TENM4: variants seen among roughly 807,000 people sequenced by gnomAD.
TENM4 encodes the protein teneurin transmembrane protein 4, also known as teneurin-4.
TENM4 carries 82 observed loss-of-function variants against 243.3 expected under a neutral mutation model. The observed-to-expected ratio is 0.34, with a 90% CI of 0.28 to 0.40. TENM4 has a LOEUF of 0.40. TENM4 is among the 10% of genes least tolerant of loss of function. The pLI is 1.00. For missense variants in TENM4, 3,138 were observed against 3,673.3 expected (o/e 0.85, Z 3.77); for synonymous variants, 1,412 against 1,456.3 (o/e 0.97, Z 0.69).
At chr11:79,439,171 A>C (rs1472225704) in intron 1 of TENM4, 5 of 118,792 alleles carry the variant, frequency 4.2e-5, no homozygotes, top group Non-Finnish European at 7.2e-5. Context: ...TTGCCCCACC[A>C]CCGCCTTCTA....
chr11:79,396,707 T>C (rs1484273076), intron 1 of TENM4, among the ~76,000 whole-genome samples: 1 of 152,208 alleles, frequency 6.6e-6, no homozygotes, highest in Non-Finnish European at 1.5e-5. Context: ...GTATGACGCA[T>C]GCATGGTTCT....
chr11:79,165,559 A>T (rs1862892381), intron 3 of TENM4, among the ~76,000 whole-genome samples: 1 of 152,172 alleles, frequency 6.6e-6, no homozygotes, highest in Non-Finnish European at 1.5e-5. Context: ...TGTAGGATGT[A>T]TAGTTGAGGA....
chr11:78,847,021 G>C (rs73498580), intron 12 of TENM4, among the ~76,000 whole-genome samples: 1,967 of 152,260 alleles, frequency 0.013, 49 homozygotes, highest in African/African-American at 0.046. Context: ...GAAAAATTCT[G>C]CTTTCCTACT....
rs769596800 is a variant in TENM4, at chr11:78,658,635, C to T, written c.7733G>A (p.Arg2578Gln). The T allele has an allele frequency of 1.8e-5, 29 of 1,614,024 alleles. No homozygotes were observed. Among genetic ancestry groups the T allele is most frequent in the African/African-American group, 5.3e-5 (4 of 75,066 alleles). ...KGVKFALKDGRVTTDIISVAN... is the reference protein window; with the variant it reads ...KGVKFALKDGQVTTDIISVAN... Reference sequence around the variant, plus strand: ...CACACTGATGATGTCTGTGGTCACTCGGCCATCCTTCAAGGCAAACTTGAC... The same window carrying T: ...CACACTGATGATGTCTGTGGTCACTTGGCCATCCTTCAAGGCAAACTTGAC... Residue 2578 changes from arginine (R) to glutamine (Q), a missense_variant, in exon 34 of 34, where the codon CGA (arginine) becomes CAA (glutamine). By Grantham distance (43) the Arg-to-Gln change is conservative. Coordinates refer to ENST00000278550, the MANE Select transcript of TENM4 (RefSeq NM_001098816.3).
intron 12 of TENM4, among the ~76,000 whole-genome samples, chr11:78,844,896 C>G (rs1340895988): frequency 6.6e-6 from 1 of 152,202 alleles, no homozygotes; most frequent in African/African-American, 2.4e-5. Flanking sequence ...CTAACACACT[C>G]CTTTATTTCT....
Position 78,981,765 on chromosome 11 carries a change from A to G in TENM4, c.494-78242T>C, listed in dbSNP as rs764340553. ...AAGCCGGTTTGAGTTGCGGTTTTGC[A>G]TAAGGCATCTTAAGATCTCCTACCT... On this transcript the variant is annotated intron_variant, in intron 6 of 33. Coordinates refer to ENST00000278550, the MANE Select transcript of TENM4 (RefSeq NM_001098816.3). 2.2e-4 allele frequency among the ~76,000 whole-genome samples: 34 copies of G among 152,196 alleles called. 1 individual carries two copies. The highest frequency in any genetic ancestry group is 1.7e-3 in the South Asian group (8 of 4,832).
chr11:79,293,836 A>G (rs777451977), intron 2 of TENM4, among the ~76,000 whole-genome samples: 1 of 152,192 alleles, frequency 6.6e-6, no homozygotes, highest in Non-Finnish European at 1.5e-5. Flanking sequence ...TAGCACACCA[A>G]TGGGGTTTCT....
At chr11:79,095,243 A>G (rs1045605946) in intron 4 of TENM4, among the ~76,000 whole-genome samples, 1 of 152,064 alleles carries the variant, frequency 6.6e-6, no homozygotes, top group Non-Finnish European at 1.5e-5. Flanking sequence ...CCTTTTTCAT[A>G]TGAGGAAATG....
At chr11:78,935,290 C>A (rs1044863842) in intron 6 of TENM4, among the ~76,000 whole-genome samples, 26 of 152,002 alleles carry the variant, frequency 1.7e-4, no homozygotes, top group Non-Finnish European at 3.4e-4. Context: ...GGATTACAGG[C>A]GTGAGCCACC....
At chr11:78,933,989 G>T (rs943897291) in intron 6 of TENM4, among the ~76,000 whole-genome samples, 3 of 152,254 alleles carry the variant, frequency 2.0e-5, no homozygotes, top group Admixed American at 6.5e-5. Context: ...GGGGATTCTA[G>T]CACAAGGGTG....
At position 78,922,953 on chromosome 11, in the gene TENM4, G is replaced by A. The variant is rs541680494; in HGVS notation, c.494-19430C>T. Among the ~76,000 whole-genome samples the A allele has an allele frequency of 1.4e-4, 21 of 152,252 alleles. No homozygotes were observed. In the South Asian group the frequency reaches 3.7e-3, roughly 27 times the overall value. Reference sequence around the variant, plus strand: ...CTTACCACTATTTCCTCAGACCAGCGATATCAGCTCCACCAAGCACTCCTT... The same window carrying A: ...CTTACCACTATTTCCTCAGACCAGCAATATCAGCTCCACCAAGCACTCCTT... On this transcript the variant is annotated intron_variant, in intron 6 of 33. Transcript: ENST00000278550.
chr11:78,803,732 T>A (rs1857330983), intron 15 of TENM4, among the ~76,000 whole-genome samples: 1 of 152,246 alleles, frequency 6.6e-6, no homozygotes, highest in Non-Finnish European at 1.5e-5. Flanking sequence ...TGGGGTTTCA[T>A]CAGGGATTAA....
chr11:79,177,209 A>G (rs11237750), intron 3 of TENM4, among the ~76,000 whole-genome samples: 1,925 of 152,180 alleles, frequency 0.013, 83 homozygotes, highest in East Asian at 0.12. Context: ...ATAAACAGAT[A>G]GAAGAACTGT....
At chr11:79,018,780 T>C (rs1858845321) in intron 6 of TENM4, among the ~76,000 whole-genome samples, 1 of 152,250 alleles carries the variant, frequency 6.6e-6, no homozygotes, top group African/African-American at 2.4e-5. Context: ...ATCTACATGT[T>C]ATTCACTGAC....
At chr11:78,801,794 T>G (rs1857287084) in intron 15 of TENM4, among the ~76,000 whole-genome samples, 1 of 152,192 alleles carries the variant, frequency 6.6e-6, no homozygotes, top group Non-Finnish European at 1.5e-5. Context: ...TCCTTTGGCC[T>G]GCAGCTCCTG....
At chr11:79,286,422 T>TG (rs1265395884) in intron 2 of TENM4, among the ~76,000 whole-genome samples, 3 of 140,762 alleles carry the variant, frequency 2.1e-5, no homozygotes, top group Admixed American at 1.5e-4. Context: ...GAGGTGGAGG[T>TG]GGGGGGGATC....
chr11:79,330,852 C>T (rs750120781), intron 1 of TENM4, among the ~76,000 whole-genome samples: 4 of 152,304 alleles, frequency 2.6e-5, no homozygotes, highest in Non-Finnish European at 4.4e-5. Flanking sequence ...CTGGGGCCAC[C>T]GCAGACAAGG....
chr11:78,882,928 C>T (rs1449295999), intron 9 of TENM4, among the ~76,000 whole-genome samples: 2 of 152,136 alleles, frequency 1.3e-5, no homozygotes, highest in Non-Finnish European at 2.9e-5. Flanking sequence ...CAGATGCAAC[C>T]TAATTTAAGA....
chr11:79,288,453 G>C (rs1277417002), intron 2 of TENM4, among the ~76,000 whole-genome samples: 2 of 152,204 alleles, frequency 1.3e-5, no homozygotes, highest in African/African-American at 4.8e-5. Context: ...CTGTGGGATT[G>C]AAAATCAAAC....
Sources: gnomAD v4.1 joint callset for allele counts (sites outside exome capture counted in the v4.1 genomes callset) on GRCh38, gnomAD v4.1.1 for gene constraint, MANE v1.5 for transcripts, NCBI Gene and HGNC (gene_info 2026-07-23, HGNC 2026-07-21) for gene names.